Variants in OC90 observed in about 807,000 individuals in gnomAD.
OC90 encodes the protein otoconin-90.
A neutral mutation model predicts 47.3 loss-of-function variants in OC90; 46 were observed. The observed-to-expected ratio is 0.97, with a 90% CI of 0.77 to 1.24. The LOEUF (loss-of-function observed/expected upper bound fraction) is 1.24. Ranked by LOEUF, OC90 falls within the 50% of genes most tolerant of loss-of-function variation. OC90 has a pLI of 0.00. For synonymous variants in OC90, 271 were observed against 219.5 expected (o/e 1.23, Z -2.07); for missense variants, 688 against 583.9 (o/e 1.18, Z -1.84).
At chr8:132,027,246 G>A (rs750169011) in intron 13 of OC90, among the ~76,000 whole-genome samples, 1 of 152,192 alleles carries the variant, frequency 6.6e-6, no homozygotes, top group African/African-American at 2.4e-5. Flanking sequence ...AGCAATTTGA[G>A]GCAAGGATCA....
At chr8:132,027,485 C>T (rs1822777013) in intron 13 of OC90, among the ~76,000 whole-genome samples, 1 of 152,260 alleles carries the variant, frequency 6.6e-6, no homozygotes, top group South Asian at 2.1e-4. Flanking sequence ...CAGTGGGCTG[C>T]CCCAGACGAA....
At chr8:132,056,563 C>T (rs1423660308) in intron 1 of OC90, among the ~76,000 whole-genome samples, 1 of 152,110 alleles carries the variant, frequency 6.6e-6, no homozygotes, top group African/African-American at 2.4e-5. Context: ...TGCTTAGAGC[C>T]TTTTTTAGCC....
chr8:132,044,004 A>C (rs1045174712), intron 4 of OC90, among the ~76,000 whole-genome samples: 1 of 152,192 alleles, frequency 6.6e-6, no homozygotes, highest in Non-Finnish European at 1.5e-5. Flanking sequence ...GATCTTTGAC[A>C]CACTTTGACG....
At chr8:132,054,066 C>T (rs143694816) in intron 2 of OC90, among the ~76,000 whole-genome samples, 29 of 152,264 alleles carry the variant, frequency 1.9e-4, no homozygotes, top group Admixed American at 3.9e-4. Flanking sequence ...AGGGACCTTG[C>T]GGAGCTCCAA....
intron 6 of OC90, among the ~76,000 whole-genome samples, chr8:132,039,664 C>T (rs1823025111): frequency 6.6e-6 from 1 of 152,184 alleles, no homozygotes; most frequent in African/African-American, 2.4e-5. Flanking sequence ...GCCACATCCT[C>T]TTCCACTCCC....
intron 8 of OC90, among the ~76,000 whole-genome samples, chr8:132,038,078 G>A (rs1247548401): frequency 6.6e-6 from 1 of 152,190 alleles, no homozygotes; most frequent in Non-Finnish European, 1.5e-5. Flanking sequence ...CTGCCAAGGT[G>A]TACCTTGGAC....
intron 13 of OC90, 100 bp from the exon 14 acceptor site, chr8:132,024,876 C>A: frequency 1.0e-6 from 1 of 982,652 alleles, no homozygotes; most frequent in Non-Finnish European, 1.5e-6. Flanking sequence ...CCTTCCTCCC[C>A]ATCTTCCACA....
chr8:132,056,151 C>G (rs1440026719), intron 1 of OC90, among the ~76,000 whole-genome samples: 2 of 152,108 alleles, frequency 1.3e-5, no homozygotes, highest in Non-Finnish European at 2.9e-5. Flanking sequence ...TCAGGAGGGT[C>G]AACTAGATGC....
intron 13 of OC90, among the ~76,000 whole-genome samples, chr8:132,028,543 A>C (rs1217111483): frequency 1.6e-5 from 1 of 63,448 alleles, no homozygotes; most frequent in African/African-American, 6.5e-5. Flanking sequence ...AGAAAGAAAG[A>C]AAGAAAGAAA....
intron 6 of OC90, among the ~76,000 whole-genome samples, chr8:132,039,747 C>G (rs1370521728): frequency 6.6e-6 from 1 of 152,148 alleles, no homozygotes; most frequent in Non-Finnish European, 1.5e-5. Flanking sequence ...GCCTCAGGGC[C>G]AGTCCCTGAG....
At chr8:132,039,253 T>A (rs774623393) in intron 6 of OC90, 130 bp from the exon 7 acceptor site, 2 of 965,352 alleles carry the variant, frequency 2.1e-6, no homozygotes, top group South Asian at 3.1e-5. Flanking sequence ...CTCCATCTCA[T>A]TCATGTCAGC....
intron 6 of OC90, among the ~76,000 whole-genome samples, chr8:132,039,953 A>G (rs562451370): frequency 8.5e-5 from 13 of 152,152 alleles, no homozygotes; most frequent in African/African-American, 3.1e-4. Context: ...CCTCTCTAAC[A>G]TACTATACAA....
intron 1 of OC90, among the ~76,000 whole-genome samples, chr8:132,057,957 C>T (rs1055713365): frequency 6.6e-6 from 1 of 152,242 alleles, no homozygotes; most frequent in Non-Finnish European, 1.5e-5. Context: ...CCCTAAACTG[C>T]TAGGCCGGTC....
chr8:132,056,137 T>G (rs1439579094), intron 1 of OC90, among the ~76,000 whole-genome samples: 1 of 152,136 alleles, frequency 6.6e-6, no homozygotes, highest in Non-Finnish European at 1.5e-5. Context: ...ACAAAAGCGC[T>G]TGGTCAGGAG....
Position 132,024,740 on chromosome 8 carries a change from G to C in OC90, c.1175C>G (p.Ala392Gly), listed in dbSNP as rs1372932002. The C allele has an allele frequency of 6.2e-7, 1 of 1,613,812 alleles. No individual in the cohort carries two copies. Residue 392 changes from alanine to glycine, a missense_variant, in exon 14 of 14, where the codon GCC becomes GGC. Physicochemically the swap from Ala to Gly is moderately conservative, Grantham distance 60 (BLOSUM62 0). Transcript: ENST00000254627. Reference protein sequence around the residue: ...GQSLCEKLLCACDQTAAECMT... With the variant: ...GQSLCEKLLCGCDQTAAECMT... ...GCACTCAGCTGCCGTCTGGTCACAG[G>C]CACAGAGCAACTTCTCACACAGGCT...
intron 13 of OC90, among the ~76,000 whole-genome samples, chr8:132,028,655 A>AAAGC (rs1822810704): frequency 7.9e-6 from 1 of 126,604 alleles, no homozygotes; most frequent in Non-Finnish European, 1.6e-5. Context: ...AGGAAGGAAG[A>AAAGC]AAGAAAGAAA....
At chr8:132,030,817 G>A (rs1171397087) in intron 12 of OC90, among the ~76,000 whole-genome samples, 3 of 152,174 alleles carry the variant, frequency 2.0e-5, no homozygotes, top group South Asian at 2.1e-4. Flanking sequence ...GACAGGTAGA[G>A]GCAGGGGAAA....
intron 2 of OC90, among the ~76,000 whole-genome samples, chr8:132,048,953 C>T (rs953206552): frequency 6.6e-6 from 1 of 151,542 alleles, no homozygotes; most frequent in East Asian, 1.9e-4. Flanking sequence ...GGGTTGGGAG[C>T]CTGCTCTTCC....
chr8:132,034,218 G>A (rs1466709120), intron 10 of OC90, among the ~76,000 whole-genome samples: 1 of 152,178 alleles, frequency 6.6e-6, no homozygotes, highest in Non-Finnish European at 1.5e-5. Flanking sequence ...GCTTAGCTAT[G>A]TACTAGATAC....
Sources: allele counts gnomAD v4.1 joint callset (sites outside exome capture counted in the v4.1 genomes callset), GRCh38; gene constraint gnomAD v4.1.1; transcripts MANE v1.5; gene names NCBI Gene and HGNC (gene_info 2026-07-23, HGNC 2026-07-21).